Variants in BRWD1 observed in about 807,000 individuals in gnomAD.
BRWD1 encodes the protein bromodomain and WD repeat-containing protein 1.
Under a neutral mutation model 251.2 loss-of-function variants are expected in BRWD1, and 82 were observed. The observed-to-expected ratio is 0.33, with a 90% CI of 0.27 to 0.39. The LOEUF (loss-of-function observed/expected upper bound fraction) is 0.39, where lower values mean the gene tolerates loss of function less well. BRWD1 is among the 10% of genes least tolerant of loss of function. The probability of loss-of-function intolerance (pLI) is 1.00; values close to 1 mark genes in which losing one functional copy is unlikely to be tolerated. For synonymous variants in BRWD1, 918 were observed against 902.8 expected (o/e 1.02, Z -0.30); for missense variants, 2,233 against 2,711.6 (o/e 0.82, Z 3.92).
intron 13 of BRWD1, among the ~76,000 whole-genome samples, chr21:39,272,352 C>T (rs1197206109): frequency 1.3e-5 from 2 of 150,630 alleles, no homozygotes; most frequent in African/African-American, 4.9e-5. Context: ...TGGTGAAACC[C>T]CGTCTCTACT....
chr21:39,252,477 C>T (rs1411349715), intron 19 of BRWD1, among the ~76,000 whole-genome samples: 2 of 152,068 alleles, frequency 1.3e-5, no homozygotes, highest in Non-Finnish European at 2.9e-5. Context: ...TTTTTAAATA[C>T]TCTTCATCCT....
At chr21:39,242,833 TATTTACAGCATC>T (rs2034048181) in intron 21 of BRWD1, among the ~76,000 whole-genome samples, 1 of 152,206 alleles carries the variant, frequency 6.6e-6, no homozygotes, top group African/African-American at 2.4e-5. Flanking sequence ...ACAGCACATC[TATTTACAGCATC>T]ATTTACAGCA....
At chr21:39,261,188 G>A (rs1435641910) in intron 17 of BRWD1, among the ~76,000 whole-genome samples, 2 of 152,154 alleles carry the variant, frequency 1.3e-5, no homozygotes, top group African/African-American at 4.8e-5. Flanking sequence ...TCACACCAAT[G>A]AACTCCAGCC....
chr21:39,215,729 TACACCTGTAATCCCAGC>T (rs2146507623), intron 31 of BRWD1, among the ~76,000 whole-genome samples: 1 of 152,224 alleles, frequency 6.6e-6, no homozygotes, highest in African/African-American at 2.4e-5. Context: ...AAGCTGGGAT[TACACCTGTAATCCCAGC>T]ACTTTGGGAG....
chr21:39,210,970 G>A, intron 34 of BRWD1, 41 bp from the exon 35 acceptor site: 2 of 1,561,490 alleles, frequency 1.3e-6, no homozygotes, highest in Admixed American at 2.1e-5. Context: ...TCACACTATT[G>A]GTGTAAGACT....
At chr21:39,224,250 G>A (rs2146532643) in intron 29 of BRWD1, among the ~76,000 whole-genome samples, 158 bp downstream of exon 29, 1 of 152,346 alleles carries the variant, frequency 6.6e-6, no homozygotes, top group Non-Finnish European at 1.5e-5. Flanking sequence ...TAACAAAACA[G>A]ATAAACACGA....
At chr21:39,253,343 A>G (rs2034461490) in intron 19 of BRWD1, among the ~76,000 whole-genome samples, 1 of 150,504 alleles carries the variant, frequency 6.6e-6, no homozygotes, top group African/African-American at 2.4e-5. Flanking sequence ...GATGGGGATG[A>G]GAAACACAGG....
intron 4 of BRWD1, among the ~76,000 whole-genome samples, chr21:39,305,508 C>T: frequency 6.6e-6 from 1 of 152,082 alleles, no homozygotes; most frequent in Non-Finnish European, 1.5e-5. Flanking sequence ...CGGTGGATCA[C>T]CTGAGGTCAG....
intron 36 of BRWD1, among the ~76,000 whole-genome samples, chr21:39,209,384 T>G (rs1568868611): frequency 1.3e-5 from 2 of 150,992 alleles, no homozygotes; most frequent in African/African-American, 4.9e-5. Flanking sequence ...CAACTTTCAA[T>G]ATAAAGCTTA....
intron 35 of BRWD1, 71 bp from the exon 36 acceptor site, chr21:39,210,218 T>C: frequency 7.7e-7 from 1 of 1,292,062 alleles, no homozygotes; most frequent in Admixed American, 2.1e-5. Flanking sequence ...GCATCAGATC[T>C]CTAAAAAATG....
At chr21:39,233,493 T>C (rs557009138) in intron 23 of BRWD1, among the ~76,000 whole-genome samples, 3 of 151,970 alleles carry the variant, frequency 2.0e-5, no homozygotes, top group Non-Finnish European at 2.9e-5. Flanking sequence ...GAGACAAGTA[T>C]GAAGACAGAC....
At chr21:39,205,296 A>T (rs532350006) in intron 37 of BRWD1, among the ~76,000 whole-genome samples, 353 of 152,082 alleles carry the variant, frequency 2.3e-3, no homozygotes, top group African/African-American at 8.3e-3. Flanking sequence ...CCATAGCAAG[A>T]CCCCATCTAT....
chr21:39,320,075 A>G (rs1407008581), intron 1 of BRWD1, among the ~76,000 whole-genome samples: 2 of 152,178 alleles, frequency 1.3e-5, no homozygotes, highest in African/African-American at 4.8e-5. Flanking sequence ...CACACCCAGG[A>G]AAGATGACTG....
chr21:39,310,644 G>A (rs2036451131), intron 4 of BRWD1, among the ~76,000 whole-genome samples: 1 of 152,082 alleles, frequency 6.6e-6, no homozygotes. Context: ...ATGATATACA[G>A]CGGTGCATTA....
Position 39,212,684 on chromosome 21 carries a change from T to C in BRWD1, c.3882A>G (p.Thr1294=). ...EDLDDSDLPK[T]SSGRRRVHDG... ...AACTTACTCTCCTCCTTCCAGAAGA[T>C]GTTTTAGGAAGATCACTATCATCCT... is the stretch of plus-strand genomic sequence containing the variant. Residue 1294 remains threonine (T), a synonymous_variant, in exon 34 of 41, where the codon ACA becomes ACG. Transcript: ENST00000342449. 1.3e-6 allele frequency: 2 copies of C among 1,579,646 alleles called. No homozygotes were observed. The highest frequency in any genetic ancestry group is 1.7e-6 in the Non-Finnish European group (2 of 1,152,146).
chr21:39,267,888 T>C (rs978481464), intron 15 of BRWD1, among the ~76,000 whole-genome samples: 1 of 152,168 alleles, frequency 6.6e-6, no homozygotes, highest in African/African-American at 2.4e-5. Flanking sequence ...CTGTAAATTC[T>C]TTAAAAATAA....
intron 21 of BRWD1, among the ~76,000 whole-genome samples, chr21:39,243,062 A>G (rs2150414): frequency 0.52 from 78,972 of 151,952 alleles, 21,057 homozygotes; most frequent in African/African-American, 0.63. Flanking sequence ...CCAACAATCA[A>G]GACTGTAATT....
At chr21:39,293,743 A>T (rs972985263) in intron 8 of BRWD1, 68 bp downstream of exon 8, 2 of 1,266,810 alleles carry the variant, frequency 1.6e-6, no homozygotes, top group African/African-American at 3.0e-5. Context: ...TCTCAATTCC[A>T]AAGAAACTGT....
chr21:39,215,944 G>A (rs1332185287), intron 31 of BRWD1, among the ~76,000 whole-genome samples: 1 of 152,180 alleles, frequency 6.6e-6, no homozygotes, highest in Non-Finnish European at 1.5e-5. Context: ...AGGCTACAGT[G>A]AGCTATCATC....
Sources: gnomAD v4.1 joint callset for allele counts (sites outside exome capture counted in the v4.1 genomes callset) on GRCh38, gnomAD v4.1.1 for gene constraint, MANE v1.5 for transcripts, NCBI Gene and HGNC (gene_info 2026-07-23, HGNC 2026-07-21) for gene names.